YAE1: variants seen among roughly 807,000 people sequenced by gnomAD.
YAE1 encodes protein YAE1 homolog.
Under a neutral mutation model 23.0 loss-of-function variants are expected in YAE1, and 22 were observed. The ratio of observed to expected loss-of-function variants is 0.96; its 90% CI spans 0.68 to 1.37. YAE1 has a LOEUF of 1.37. Ranked by LOEUF, YAE1 falls within the 40% of genes most tolerant of loss-of-function variation. The pLI is 0.00. For missense variants in YAE1, 260 were observed against 262.1 expected, an observed-to-expected ratio of 0.99 and a Z score of 0.06; for synonymous variants, 101 against 97.0, an observed-to-expected ratio of 1.04 and a Z score of -0.24.
chr7:39,609,687 C>T (rs1032563005), exon 3 of YAE1: 2 of 1,535,712 alleles, frequency 1.3e-6, no homozygotes, highest in African/African-American at 1.4e-5. Context: ...GACGCAACTA[C>T]TGCCGCGTCC....
intron 2 of YAE1, among the ~76,000 whole-genome samples, chr7:39,597,422 T>G (rs989999912): frequency 9.2e-5 from 14 of 152,232 alleles, no homozygotes; most frequent in African/African-American, 3.4e-4. Context: ...AAAAATTTTT[T>G]TAAGAGGAGT....
At chr7:39,590,773 T>C (rs1348567034) in intron 2 of YAE1, among the ~76,000 whole-genome samples, 2 of 152,190 alleles carry the variant, frequency 1.3e-5, no homozygotes, top group Non-Finnish European at 2.9e-5. Flanking sequence ...TGAAAAGCTT[T>C]CAGATTTTGG....
chr7:39,599,043 C>A (rs1200258083), intron 2 of YAE1, among the ~76,000 whole-genome samples: 1 of 151,916 alleles, frequency 6.6e-6, no homozygotes, highest in African/African-American at 2.4e-5. Context: ...AGTTTGAGAC[C>A]AGCCTGGCCA....
At chr7:39,591,778 T>C (rs963495294) in intron 2 of YAE1, among the ~76,000 whole-genome samples, 1 of 152,262 alleles carries the variant, frequency 6.6e-6, no homozygotes, top group Non-Finnish European at 1.5e-5. Context: ...TCTACCATTA[T>C]AGTATCACAC....
intron 1 of YAE1, among the ~76,000 whole-genome samples, chr7:39,568,782 C>G (rs1355499989): frequency 6.6e-6 from 1 of 152,134 alleles, no homozygotes; most frequent in Non-Finnish European, 1.5e-5. Context: ...GACTTTAAAA[C>G]TTCCTAAATC....
In YAE1 at chr7:39,566,463, CA is replaced by C. The variant is rs1373116425; in HGVS notation, c.48del (p.Asp18ThrfsTer33). 3.7e-6 allele frequency: 6 copies of C among 1,614,056 alleles called. No individual in the cohort carries two copies. Among genetic ancestry groups the C allele is most frequent in the Middle Eastern group, 3.3e-4 (2 of 6,084 alleles). On this transcript the variant is annotated frameshift_variant, in exon 1 of 3. Coordinates refer to ENST00000223273, the MANE Select transcript of YAE1 (RefSeq NM_020192.5). LOFTEE classifies it high-confidence loss of function. ...CCTCCTTGATCCAGGGCCCTGGAGA[CA>C]AAGGGGACGTGTTTGACGAAGAAGC... ...AASLIQGPGD[K>X]GDVFDEEADE...
At chr7:39,589,816 A>T (rs1386457216) in intron 2 of YAE1, among the ~76,000 whole-genome samples, 1 of 152,184 alleles carries the variant, frequency 6.6e-6, no homozygotes, top group Non-Finnish European at 1.5e-5. Context: ...AGACCAAAGG[A>T]GCTGCAGGCA....
downstream of YAE1, among the ~76,000 whole-genome samples, chr7:39,574,701 C>G (rs991421241): frequency 2.0e-5 from 3 of 147,574 alleles, no homozygotes; most frequent in Admixed American, 6.9e-5. Context: ...CCACTACTCT[C>G]CAGCCTGGGT....
chr7:39,569,464 C>G (rs900054857), intron 1 of YAE1: 3 of 493,872 alleles, frequency 6.1e-6, no homozygotes, highest in Non-Finnish European at 8.0e-6. Context: ...TTGGCTTCTT[C>G]TTCTGAAACA....
intron 2 of YAE1, among the ~76,000 whole-genome samples, chr7:39,581,069 T>A (rs1469885375): frequency 6.6e-6 from 1 of 152,174 alleles, no homozygotes; most frequent in Non-Finnish European, 1.5e-5. Flanking sequence ...TCTCTTTTTC[T>A]CTCACACACA....
chr7:39,602,118 T>C (rs1791063825), intron 2 of YAE1, among the ~76,000 whole-genome samples: 1 of 152,248 alleles, frequency 6.6e-6, no homozygotes. Flanking sequence ...ATGTTTGTTA[T>C]TTCCATCCTT....
intron 2 of YAE1, 74 bp downstream of exon 2, chr7:39,570,701 T>C (rs1271008001): frequency 1.3e-6 from 2 of 1,493,458 alleles, no homozygotes; most frequent in African/African-American, 2.9e-5. Context: ...ATAAATAAAG[T>C]GTTTAAACTG....
downstream of YAE1, chr7:39,610,350 G>A: frequency 2.1e-6 from 1 of 470,468 alleles, no homozygotes; most frequent in Admixed American, 2.4e-5. Flanking sequence ...TTTTGCAACT[G>A]TTTGATATCA....
intron 2 of YAE1, among the ~76,000 whole-genome samples, chr7:39,601,411 A>G (rs1791053088): frequency 6.6e-6 from 1 of 152,192 alleles, no homozygotes; most frequent in Non-Finnish European, 1.5e-5. Context: ...AAAGCTTCTG[A>G]TTATGGCAGT....
intron 1 of YAE1, among the ~76,000 whole-genome samples, chr7:39,567,844 A>G (rs772791703): frequency 6.6e-6 from 1 of 152,218 alleles, no homozygotes; most frequent in African/African-American, 2.4e-5. Flanking sequence ...TGTCTACTAC[A>G]TAATGGTCAG....
In YAE1 at chr7:39,592,221, T is replaced by C. The variant is rs187991421; in HGVS notation, c.252-17396T>C. ...CAAAAAGTACAATTGCTGGATCATA[T>C]GGTAAGAGTATGTTTAGTCCTTAAA... On this transcript the variant is annotated intron_variant, in intron 2 of 2. Transcript: ENST00000432096. Among the ~76,000 whole-genome samples the C allele has an allele frequency of 6.6e-5, 10 of 152,336 alleles. No homozygotes were observed. In the East Asian group the frequency reaches 1.9e-3, roughly 29 times the overall value.
At chr7:39,566,670 G>A (rs1790474120) in intron 1 of YAE1, 123 bp downstream of exon 1, 2 of 1,321,010 alleles carry the variant, frequency 1.5e-6, no homozygotes, top group African/African-American at 1.5e-5. Flanking sequence ...CTAGGGACCC[G>A]GTCCGACCCG....
exon 3 of YAE1, chr7:39,609,760 C>T (rs1791181957): frequency 1.3e-6 from 2 of 1,534,850 alleles, no homozygotes; most frequent in Non-Finnish European, 1.7e-6. Flanking sequence ...GAGCTCGAGG[C>T]GACGCTGCTG....
chr7:39,569,558 T>C (rs76284961), intron 1 of YAE1: 1 of 538,174 alleles, frequency 1.9e-6, no homozygotes, highest in African/African-American at 1.9e-5. Context: ...GGTATGGCTG[T>C]GGTGTGTGCC....
Sources: gnomAD v4.1 joint callset for allele counts (sites outside exome capture counted in the v4.1 genomes callset) on GRCh38, gnomAD v4.1.1 for gene constraint, MANE v1.5 for transcripts, NCBI Gene and HGNC (gene_info 2026-07-23, HGNC 2026-07-21) for gene names.